TENT5D: variants seen among roughly 807,000 people sequenced by gnomAD.
TENT5D encodes terminal nucleotidyltransferase 5D, also known as cancer/testis antigen 112.
For missense variants in TENT5D, 191 were observed against 287.0 expected (o/e 0.67, Z 2.42); for synonymous variants, 103 against 100.6 (o/e 1.02, Z -0.15).
At chrX:80,387,227 G>A (rs967482143) in intron 3 of TENT5D, among the ~76,000 whole-genome samples, 1 of 112,093 alleles carries the variant, frequency 8.9e-6, no homozygotes, top group African/African-American at 3.2e-5. Context: ...CATGGGATTG[G>A]TTCCTGATGC....
At chrX:80,357,074 C>T (rs1930299595) in intron 3 of TENT5D, among the ~76,000 whole-genome samples, 1 of 111,269 alleles carries the variant, frequency 9.0e-6, no homozygotes, top group African/African-American at 3.3e-5. Flanking sequence ...ATCCATGTCC[C>T]TACAAAGGAC....
At chrX:80,408,776 C>A (rs992238100) in intron 3 of TENT5D, among the ~76,000 whole-genome samples, 5 of 111,184 alleles carry the variant, frequency 4.5e-5, no homozygotes, top group Non-Finnish European at 9.4e-5. Flanking sequence ...GATACCAAAG[C>A]CGGGCAGAGA....
chrX:80,352,720 C>CAAAAAAAAAA (rs1189877322), intron 3 of TENT5D, among the ~76,000 whole-genome samples: 2 of 19,908 alleles, frequency 1.0e-4, no homozygotes, highest in Non-Finnish European at 2.0e-4. Context: ...AGCAAACAAA[C>CAAAAAAAAAA]AAAAAAAAAA....
chrX:80,422,874 G>A (rs192547621), intron 1 of TENT5D, among the ~76,000 whole-genome samples: 94 of 111,408 alleles, frequency 8.4e-4, no homozygotes, highest in Non-Finnish European at 1.6e-3. Context: ...AGAGGGGTTA[G>A]TGATTTGGAA....
intron 1 of TENT5D, among the ~76,000 whole-genome samples, chrX:80,436,144 G>A (rs963622251): frequency 9.0e-6 from 1 of 110,627 alleles, no homozygotes; most frequent in Non-Finnish European, 1.9e-5. Flanking sequence ...CATATATTCT[G>A]ATTTGGTGGC....
chrX:80,386,084 A>G (rs1010110954), intron 3 of TENT5D, among the ~76,000 whole-genome samples: 4 of 112,369 alleles, frequency 3.6e-5, no homozygotes, highest in African/African-American at 1.3e-4. Context: ...CATATACCCA[A>G]AGGATTATAA....
At chrX:80,380,269 T>G (rs750599488) in intron 3 of TENT5D, among the ~76,000 whole-genome samples, 157 of 110,627 alleles carry the variant, frequency 1.4e-3, no homozygotes, top group Non-Finnish European at 1.9e-3. Context: ...CTGTGTGGTT[T>G]TGAGTGAGTT....
chrX:80,363,317 C>A (rs1473890252), intron 3 of TENT5D, among the ~76,000 whole-genome samples: 3 of 111,401 alleles, frequency 2.7e-5, no homozygotes, highest in African/African-American at 9.8e-5. Flanking sequence ...AATATAAAAA[C>A]CAAATTTTCC....
At chrX:80,429,196 G>A (rs1371111960) in intron 1 of TENT5D, among the ~76,000 whole-genome samples, 1 of 111,767 alleles carries the variant, frequency 8.9e-6, no homozygotes, top group Admixed American at 9.5e-5. Flanking sequence ...GGACAGGGTT[G>A]AGGTGGCTTT....
intron 1 of TENT5D, among the ~76,000 whole-genome samples, chrX:80,422,645 G>C (rs1330652604): frequency 9.0e-6 from 1 of 111,304 alleles, no homozygotes; most frequent in Non-Finnish European, 1.9e-5. Flanking sequence ...ATGTCTGAGA[G>C]GGTGCGGTGA....
chrX:80,352,867 G>T (rs1488644123), intron 3 of TENT5D, among the ~76,000 whole-genome samples: 1 of 111,116 alleles, frequency 9.0e-6, no homozygotes, highest in East Asian at 2.9e-4. Context: ...AAAACCATAG[G>T]AAAAGTGTAG....
intron 1 of TENT5D, among the ~76,000 whole-genome samples, chrX:80,431,536 A>T (rs1318740038): frequency 2.7e-5 from 3 of 112,304 alleles, no homozygotes; most frequent in Non-Finnish European, 5.6e-5. Context: ...CTGCTGTTAA[A>T]GACATACCTG....
At chrX:80,443,608 G>T in exon 3 of TENT5D, 1 of 1,210,258 alleles carries the variant, frequency 8.3e-7, no homozygotes, top group Non-Finnish European at 1.1e-6. Flanking sequence ...GTACTTTGCA[G>T]CTGAGGCAAG....
chrX:80,351,038 G>T (rs1271147869), intron 3 of TENT5D, among the ~76,000 whole-genome samples: 7 of 111,611 alleles, frequency 6.3e-5, no homozygotes, highest in Non-Finnish European at 1.9e-5. Context: ...GCGTACCTTT[G>T]TAGGTAACCT....
chrX:80,398,011 G>A (rs1363355916), intron 3 of TENT5D, among the ~76,000 whole-genome samples: 1 of 111,802 alleles, frequency 8.9e-6, no homozygotes, highest in Non-Finnish European at 1.9e-5. Context: ...CATAATGGCT[G>A]TACTAGTTTA....
At chrX:80,352,504 T>A in intron 3 of TENT5D, among the ~76,000 whole-genome samples, 1 of 110,152 alleles carries the variant, frequency 9.1e-6, no homozygotes, top group East Asian at 2.9e-4. Flanking sequence ...GTGGATGGCC[T>A]TCCCCCCACC....
intron 3 of TENT5D, among the ~76,000 whole-genome samples, chrX:80,358,076 A>T (rs1445435000): frequency 8.9e-6 from 1 of 112,004 alleles, no homozygotes; most frequent in African/African-American, 3.2e-5. Flanking sequence ...AGGATTCCCT[A>T]TTTAATAAAT....
At chrX:80,420,334 G>A (rs952988679), upstream of TENT5D, 3 of 108,942 alleles carry the variant, frequency 2.8e-5, no homozygotes, top group Non-Finnish European at 5.7e-5. Flanking sequence ...TTGAGATTTG[G>A]GACTCAGAAT....
chrX:80,404,481 C>T (rs1370960573), intron 3 of TENT5D, among the ~76,000 whole-genome samples: 1 of 111,540 alleles, frequency 9.0e-6, no homozygotes, highest in Non-Finnish European at 1.9e-5. Flanking sequence ...GACACAGGGG[C>T]CCGCATGCTG....
Sources: gnomAD v4.1 joint callset for allele counts (sites outside exome capture counted in the v4.1 genomes callset) on GRCh38, gnomAD v4.1.1 for gene constraint, MANE v1.5 for transcripts, NCBI Gene and HGNC (gene_info 2026-07-23, HGNC 2026-07-21) for gene names.